CCDC171: variants seen among roughly 807,000 people sequenced by gnomAD.
CCDC171 encodes the protein coiled-coil domain-containing protein 171.
CCDC171 carries 177 observed loss-of-function variants against 168.2 expected under a neutral mutation model. The observed-to-expected ratio is 1.05, with a 90% CI of 0.93 to 1.19. The LOEUF (loss-of-function observed/expected upper bound fraction) is 1.19. Among genes scored for constraint, CCDC171 ranks in the 50% most tolerant of loss-of-function variants. The pLI is 0.00. For synonymous variants in CCDC171, 687 were observed against 540.8 expected (o/e 1.27, Z -3.75); for missense variants, 1,991 against 1,539.0 (o/e 1.29, Z -4.91).
chr9:15,932,634 T>A (rs1826662543), intron 25 of CCDC171, among the ~76,000 whole-genome samples: 1 of 151,960 alleles, frequency 6.6e-6, no homozygotes, highest in South Asian at 2.1e-4. Flanking sequence ...TGGCTAGGAC[T>A]TCCAGTACTA....
intron 2 of CCDC171, among the ~76,000 whole-genome samples, chr9:15,567,896 C>T (rs2039880220): frequency 6.6e-6 from 1 of 152,052 alleles, no homozygotes; most frequent in African/African-American, 2.4e-5. Context: ...TCAAGTGATC[C>T]TCCTGCCTTG....
intron 6 of CCDC171, among the ~76,000 whole-genome samples, chr9:15,615,110 C>G (rs1239656384): frequency 1.3e-5 from 2 of 151,770 alleles, no homozygotes; most frequent in Non-Finnish European, 2.9e-5. Context: ...AATATATATG[C>G]AAAAATATTA....
At chr9:15,967,349 T>G (rs1311669343) in intron 25 of CCDC171, among the ~76,000 whole-genome samples, 2 of 152,176 alleles carry the variant, frequency 1.3e-5, no homozygotes, top group Non-Finnish European at 2.9e-5. Flanking sequence ...TCATGGAGTT[T>G]GAAGTAATGA....
At chr9:15,757,445 A>T (rs1010741433) in intron 18 of CCDC171, among the ~76,000 whole-genome samples, 1 of 152,212 alleles carries the variant, frequency 6.6e-6, no homozygotes, top group Admixed American at 6.5e-5. Context: ...ATTTCTAAGC[A>T]GCAAAAGAGG....
intron 16 of CCDC171, among the ~76,000 whole-genome samples, chr9:15,736,593 A>G (rs527303754): frequency 6.6e-5 from 10 of 152,188 alleles, no homozygotes; most frequent in African/African-American, 2.4e-4. Context: ...CTCAAGCAGT[A>G]CACCTGCTTT....
At chr9:15,960,253 A>G (rs962396925) in intron 25 of CCDC171, among the ~76,000 whole-genome samples, 4 of 152,334 alleles carry the variant, frequency 2.6e-5, no homozygotes, top group African/African-American at 9.6e-5. Flanking sequence ...CAGGATGAAG[A>G]TTAGTTAAGG....
rs71325933 is a variant in CCDC171, at chr9:15,778,313, C to CAAAAAAAAAA, written c.2898+516_2898+525dup. On this transcript the variant is annotated intron_variant, in intron 19 of 25. Transcript: ENST00000380701. ...TGGGCGACAGAGCGAGACTCCGTCT[C>CAAAAAAAAAA]AAAAAAAAAAAAAAAAAAAAAAAAA... Among the ~76,000 whole-genome samples, 15 of 38,102 alleles carry CAAAAAAAAAA rather than the reference C, an allele frequency of 3.9e-4. 1 individual carries two copies. The highest frequency in any genetic ancestry group is 5.3e-4 in the Non-Finnish European group (12 of 22,622). 25.0% of individuals were successfully genotyped at this position (38,102 alleles called of 152,430 possible).
At chr9:15,887,163 A>C (rs770024051) in intron 24 of CCDC171, among the ~76,000 whole-genome samples, 5 of 152,176 alleles carry the variant, frequency 3.3e-5, no homozygotes, top group Non-Finnish European at 5.9e-5. Flanking sequence ...AGATATGTTA[A>C]TTAGCTTGAT....
At chr9:15,586,010 A>G (rs983136767) in intron 4 of CCDC171, among the ~76,000 whole-genome samples, 1 of 152,166 alleles carries the variant, frequency 6.6e-6, no homozygotes, top group African/African-American at 2.4e-5. Context: ...TGAACAGTAC[A>G]CTAAAGATTT....
chr9:16,016,324 A>C (rs1589328169), intron 3 of CCDC171, among the ~76,000 whole-genome samples: 1 of 152,150 alleles, frequency 6.6e-6, no homozygotes, highest in Non-Finnish European at 1.5e-5. Context: ...GTGGTGATTT[A>C]CTTGCAGATT....
At chr9:15,916,098 A>C (rs1164646440) in intron 24 of CCDC171, among the ~76,000 whole-genome samples, 3 of 151,910 alleles carry the variant, frequency 2.0e-5, no homozygotes, top group African/African-American at 7.2e-5. Context: ...TTTTATTATC[A>C]AAGAGAAATA....
At chr9:15,760,914 G>A (rs1348234669) in intron 18 of CCDC171, among the ~76,000 whole-genome samples, 1 of 152,050 alleles carries the variant, frequency 6.6e-6, no homozygotes, top group African/African-American at 2.4e-5. Context: ...GTATCCAAAT[G>A]GTGTGCCTGC....
chr9:15,575,579 A>T (rs1187515622), intron 3 of CCDC171, among the ~76,000 whole-genome samples: 1 of 152,096 alleles, frequency 6.6e-6, no homozygotes, highest in African/African-American at 2.4e-5. Flanking sequence ...GAGAGCAGGG[A>T]TTCTTAAGCT....
At chr9:15,711,617 C>G (rs2134031329) in intron 11 of CCDC171, among the ~76,000 whole-genome samples, 1 of 152,218 alleles carries the variant, frequency 6.6e-6, no homozygotes, top group South Asian at 2.1e-4. Flanking sequence ...ATTGGGTAGT[C>G]AGAACCACTA....
the CCDC171 span, among the ~76,000 whole-genome samples, chr9:16,102,733 T>C: frequency 2.0e-5 from 3 of 152,182 alleles, no homozygotes; most frequent in African/African-American, 7.2e-5. Context: ...CAACAGCTCT[T>C]CGTCCCCCTG....
At chr9:15,997,307 G>A (rs754792263) in intron 3 of CCDC171, among the ~76,000 whole-genome samples, 12 of 152,172 alleles carry the variant, frequency 7.9e-5, no homozygotes, top group Admixed American at 2.0e-4. Context: ...CCAGACTCTC[G>A]TACCCCTACC....
chr9:16,008,113 A>G (rs1832759600), intron 3 of CCDC171, among the ~76,000 whole-genome samples: 1 of 152,070 alleles, frequency 6.6e-6, no homozygotes, highest in South Asian at 2.1e-4. Flanking sequence ...TTTTGTTCAT[A>G]TTTAATACTT....
At chr9:15,735,806 A>G (rs1206531137) in intron 16 of CCDC171, among the ~76,000 whole-genome samples, 1 of 152,178 alleles carries the variant, frequency 6.6e-6, no homozygotes, top group African/African-American at 2.4e-5. Flanking sequence ...TCACGTGTAC[A>G]CTATGTTCTG....
chr9:15,577,469 C>T (rs558606425), intron 3 of CCDC171, among the ~76,000 whole-genome samples: 111 of 152,280 alleles, frequency 7.3e-4, no homozygotes, highest in African/African-American at 2.4e-3. Context: ...ACTGTGATCC[C>T]ACTGTATGCT....
Sources: allele counts gnomAD v4.1 joint callset (sites outside exome capture counted in the v4.1 genomes callset), GRCh38; gene constraint gnomAD v4.1.1; transcripts MANE v1.5; gene names NCBI Gene and HGNC (gene_info 2026-07-23, HGNC 2026-07-21).